ZNF407: variants seen among roughly 807,000 people sequenced by gnomAD.
ZNF407 encodes the protein zinc finger protein 407.
Under a neutral mutation model 131.2 loss-of-function variants are expected in ZNF407, and 17 were observed. The observed-to-expected ratio is 0.13, with a 90% confidence interval of 0.09 to 0.19. ZNF407 has a LOEUF of 0.19. Among genes scored for constraint, ZNF407 ranks in the 10% least tolerant of loss-of-function variants. ZNF407 has a pLI of 1.00. For synonymous variants in ZNF407, 1,156 were observed against 1,062.0 expected (o/e 1.09, Z -1.72); for missense variants, 2,681 against 2,830.6 (o/e 0.95, Z 1.20).
At chr18:74,954,804 A>G (rs1270903187) in intron 8 of ZNF407, among the ~76,000 whole-genome samples, 4 of 152,198 alleles carry the variant, frequency 2.6e-5, no homozygotes, top group Middle Eastern at 3.2e-3. Context: ...AACTTCATCA[A>G]CACCATCATT....
intron 3 of ZNF407, among the ~76,000 whole-genome samples, chr18:74,767,820 ATTT>A (rs10692267): frequency 1.8e-5 from 2 of 114,104 alleles, no homozygotes; most frequent in Non-Finnish European, 3.5e-5. Flanking sequence ...CGCCTGGCTA[ATTT>A]TTTTTTTTTT....
intron 3 of ZNF407, among the ~76,000 whole-genome samples, chr18:74,696,412 C>T (rs577341064): frequency 6.6e-6 from 1 of 152,300 alleles, no homozygotes; most frequent in Non-Finnish European, 1.5e-5. Flanking sequence ...AGTTTTCCTT[C>T]CTGACAATGC....
At position 74,676,624 on chromosome 18, in the gene ZNF407, C is replaced by G. The variant is rs186968947; in HGVS notation, c.4802+35502C>G. Among the ~76,000 whole-genome samples, 23 of 151,784 alleles carry G rather than the reference C, an allele frequency of 1.5e-4. 1 individual carries two copies. Among genetic ancestry groups the G allele is most frequent in the African/African-American group, 2.7e-4 (11 of 41,362 alleles). On this transcript the variant is annotated intron_variant, in intron 3 of 8. Coordinates refer to ENST00000299687, the MANE Select transcript of ZNF407 (RefSeq NM_017757.3). ...GGTAATTTTGTATTTTTAGTAGAGA[C>G]GGGGTTTCACCGTGTTAGCCAGGAT...
intron 8 of ZNF407, among the ~76,000 whole-genome samples, chr18:74,981,361 G>C (rs1490454038): frequency 6.6e-6 from 1 of 152,240 alleles, no homozygotes; most frequent in Admixed American, 6.5e-5. Context: ...CCTCAGTTGA[G>C]TGACAGGTTC....
At chr18:74,698,953 GA>G (rs1967426519) in intron 3 of ZNF407, among the ~76,000 whole-genome samples, 1 of 152,044 alleles carries the variant, frequency 6.6e-6, no homozygotes, top group Non-Finnish European at 1.5e-5. Flanking sequence ...ATAATTTTTG[GA>G]AAAATTCGAA....
intron 8 of ZNF407, among the ~76,000 whole-genome samples, chr18:75,020,348 A>T (rs1341241478): frequency 6.6e-6 from 1 of 151,684 alleles, no homozygotes; most frequent in African/African-American, 2.4e-5. Flanking sequence ...GTGTATATAT[A>T]TATAGGATCT....
chr18:74,933,960 C>T (rs557000019), intron 8 of ZNF407, among the ~76,000 whole-genome samples: 23 of 151,958 alleles, frequency 1.5e-4, no homozygotes, highest in South Asian at 1.5e-3. Flanking sequence ...AAAAATTTAT[C>T]CTCGTAATCA....
intron 4 of ZNF407, among the ~76,000 whole-genome samples, chr18:74,823,076 G>T (rs987977350): frequency 2.0e-5 from 3 of 151,940 alleles, no homozygotes; most frequent in African/African-American, 7.2e-5. Flanking sequence ...TTTGTCTGTT[G>T]TTGGTGTATA....
At chr18:74,883,210 A>G (rs1971261962) in intron 6 of ZNF407, among the ~76,000 whole-genome samples, 1 of 152,244 alleles carries the variant, frequency 6.6e-6, no homozygotes, top group Non-Finnish European at 1.5e-5. Flanking sequence ...TGTAGCACAA[A>G]TCAAACATGA....
At chr18:74,620,435 G>A (rs1313891579) in intron 1 of ZNF407, among the ~76,000 whole-genome samples, 3 of 152,186 alleles carry the variant, frequency 2.0e-5, no homozygotes, top group Admixed American at 6.5e-5. Flanking sequence ...TCCCTGTCAG[G>A]ATGGACTTCT....
At chr18:74,700,714 A>G (rs716464) in intron 3 of ZNF407, among the ~76,000 whole-genome samples, 12,812 of 152,230 alleles carry the variant, frequency 0.084, 723 homozygotes, top group African/African-American at 0.16. Context: ...TACTCATTTT[A>G]GGAGAGGAGA....
At chr18:75,044,867 CT>C (rs1366188224) in intron 8 of ZNF407, among the ~76,000 whole-genome samples, 1 of 152,112 alleles carries the variant, frequency 6.6e-6, no homozygotes, top group African/African-American at 2.4e-5. Context: ...ACACTGAAGA[CT>C]TATTTGTACA....
intron 4 of ZNF407, among the ~76,000 whole-genome samples, chr18:74,850,469 C>A (rs949080835): frequency 2.6e-5 from 4 of 152,134 alleles, no homozygotes; most frequent in Non-Finnish European, 5.9e-5. Flanking sequence ...TCTTTTCCTC[C>A]TTTCACTTGC....
intron 4 of ZNF407, among the ~76,000 whole-genome samples, chr18:74,801,667 T>G (rs1181864845): frequency 6.6e-6 from 1 of 152,204 alleles, no homozygotes; most frequent in Non-Finnish European, 1.5e-5. Context: ...CGAGGTCTCT[T>G]GGTTGGTGTG....
chr18:74,767,873 T>A (rs962032978), intron 3 of ZNF407, among the ~76,000 whole-genome samples: 29 of 150,176 alleles, frequency 1.9e-4, no homozygotes, highest in African/African-American at 2.9e-4. Flanking sequence ...TCACCGTGTT[T>A]GCCAGGATGG....
At chr18:74,655,333 A>G (rs962702252) in intron 3 of ZNF407, among the ~76,000 whole-genome samples, 40 of 151,966 alleles carry the variant, frequency 2.6e-4, no homozygotes, top group African/African-American at 9.4e-4. Flanking sequence ...TCCTTCACTA[A>G]TCTGGATCCA....
intron 7 of ZNF407, among the ~76,000 whole-genome samples, chr18:74,895,066 G>A (rs1007737260): frequency 2.6e-5 from 4 of 151,938 alleles, no homozygotes; most frequent in Admixed American, 1.3e-4. Context: ...AGAATCTGCA[G>A]TCCCTGCCTC....
chr18:74,764,426 A>T (rs1307029720), intron 3 of ZNF407, among the ~76,000 whole-genome samples: 3 of 152,116 alleles, frequency 2.0e-5, no homozygotes, highest in Non-Finnish European at 2.9e-5. Flanking sequence ...TTGGATTTTT[A>T]AAAAATATCT....
chr18:74,863,411 C>G (rs1970965924), intron 4 of ZNF407, among the ~76,000 whole-genome samples: 1 of 151,938 alleles, frequency 6.6e-6, no homozygotes. Context: ...TCTACATATT[C>G]CATGAGGTGT....
Sources: allele counts gnomAD v4.1 joint callset (sites outside exome capture counted in the v4.1 genomes callset), GRCh38; gene constraint gnomAD v4.1.1; transcripts MANE v1.5; gene names NCBI Gene and HGNC (gene_info 2026-07-23, HGNC 2026-07-21).